Variants in PTPRF observed in about 807,000 individuals in gnomAD.
PTPRF encodes protein tyrosine phosphatase receptor type F.
A neutral mutation model predicts 201.8 loss-of-function variants in PTPRF; 59 were observed. That is an observed-to-expected ratio of 0.29 (90% confidence interval 0.24 to 0.36). The LOEUF (loss-of-function observed/expected upper bound fraction) is 0.36. PTPRF is among the 10% of genes least tolerant of loss of function. PTPRF has a pLI of 1.00. For synonymous variants in PTPRF, 1,088 were observed against 1,089.7 expected, an observed-to-expected ratio of 1.00 and a Z score of 0.03; for missense variants, 2,132 against 2,690.5, an observed-to-expected ratio of 0.79 and a Z score of 4.59.
Position 43,622,111 on chromosome 1 carries a change from C to G in PTPRF, c.*108C>G. On this transcript the variant is annotated 3_prime_UTR_variant, in exon 34 of 34. Transcript: ENST00000359947. ...CAGCCCTCCTACGCAGATGCTGTCA[C>G]TGGCAGAGCACAGCCCACGGGGATC... 8.3e-7 allele frequency: 1 copy of G among 1,207,978 alleles called. No individual in the cohort carries two copies. Among genetic ancestry groups the G allele is most frequent in the South Asian group, 1.2e-5 (1 of 80,196 alleles). The allele number at this position is 1,207,978 out of a possible 1,614,324, so 74.8% of individuals were successfully genotyped here.
intron 6 of PTPRF, among the ~76,000 whole-genome samples, chr1:43,572,721 C>G (rs1646658867): frequency 6.6e-6 from 1 of 152,218 alleles, no homozygotes; most frequent in Non-Finnish European, 1.5e-5. Context: ...GCTTTCCCCG[C>G]TTTTGTTGCA....
chr1:43,597,037 G>A lies in PTPRF; in HGVS notation c.1814-711G>A, dbSNP rs114813112. ...TGTGAGACACCAAGACAGTATATGT[G>A]CGAGACAGCCTATGTATGTGACAGT... On this transcript the variant is annotated intron_variant, in intron 11 of 33. Transcript: ENST00000359947. Among the ~76,000 whole-genome samples the A allele has an allele frequency of 2.5e-3, 374 of 151,730 alleles. 2 individuals are homozygous for A. Among genetic ancestry groups the A allele is most frequent in the African/African-American group, 8.6e-3 (357 of 41,354 alleles).
At chr1:43,568,031 C>T (rs1298759788) in intron 5 of PTPRF, among the ~76,000 whole-genome samples, 2 of 152,068 alleles carry the variant, frequency 1.3e-5, no homozygotes, top group African/African-American at 4.8e-5. Flanking sequence ...CCTGGTGGCT[C>T]ACAGCTGTAA....
chr1:43,569,221 C>A (rs1335869978), intron 5 of PTPRF, among the ~76,000 whole-genome samples: 3 of 53,516 alleles, frequency 5.6e-5, no homozygotes, highest in South Asian at 7.1e-4. Context: ...CCCTGCTAGC[C>A]CCCCCCCCCA....
At chr1:43,598,368 T>C (rs1652902912) in intron 12 of PTPRF, 3 of 455,872 alleles carry the variant, frequency 6.6e-6, no homozygotes, top group East Asian at 3.5e-5. Flanking sequence ...AGACTCCACG[T>C]TGGCTGGACA....
intron 3 of PTPRF, among the ~76,000 whole-genome samples, chr1:43,552,576 G>C (rs1330867806): frequency 6.6e-6 from 1 of 152,198 alleles, no homozygotes; most frequent in Non-Finnish European, 1.5e-5. Flanking sequence ...ATTTCTCACA[G>C]CACTAGCCCT....
rs539216429 is a variant in PTPRF, at chr1:43,593,092, C to T, written c.1813+491C>T. ...ATGTGATCACCCTGAGCTGACTGCA[C>T]TCGGGGACAGGTCTGAGAATGCGGC... is the stretch of plus-strand genomic sequence containing the variant. On this transcript the variant is annotated intron_variant, in intron 11 of 33. Transcript: ENST00000359947. 3.3e-5 allele frequency among the ~76,000 whole-genome samples: 5 copies of T among 152,372 alleles called. 1 individual carries two copies. Among genetic ancestry groups the T allele is most frequent in the South Asian group, 4.1e-4 (2 of 4,830 alleles).
rs574274989 is a variant in PTPRF, at chr1:43,607,755, C to T, written c.3857+787C>T. ...AGGCCCACACAGGGTGTGCCCTCTG[C>T]GGATCTCCCTCCCCCTGCCCACTTG... On this transcript the variant is annotated intron_variant, in intron 21 of 33. Coordinates refer to ENST00000359947, the MANE Select transcript of PTPRF (RefSeq NM_002840.5). Among the ~76,000 whole-genome samples the T allele has an allele frequency of 2.0e-5, 3 of 152,360 alleles. No individual in the cohort carries two copies. The South Asian group carries it at 6.2e-4, about 32-fold the overall frequency.
At chr1:43,547,113 G>T (rs970218038) in intron 3 of PTPRF, among the ~76,000 whole-genome samples, 4 of 151,994 alleles carry the variant, frequency 2.6e-5, no homozygotes, top group Middle Eastern at 3.2e-3. Flanking sequence ...CAGGCCCCCA[G>T]GGTCGTAACC....
At position 43,622,048 on chromosome 1, in the gene PTPRF, A is replaced by C. The variant is rs752479708; in HGVS notation, c.*45A>C. Reference sequence around the variant, plus strand: ...CGCCACCCCCGCCGTGGGGCTCCGGAGGGGACCCAGCTCCTCTGAGCCATA... The same window carrying C: ...CGCCACCCCCGCCGTGGGGCTCCGGCGGGGACCCAGCTCCTCTGAGCCATA... On this transcript the variant is annotated 3_prime_UTR_variant, in exon 34 of 34. Coordinates refer to ENST00000359947, the MANE Select transcript of PTPRF (RefSeq NM_002840.5). 9 of 1,584,420 alleles carry C rather than the reference A, an allele frequency of 5.7e-6. No individual in the cohort carries two copies. Among genetic ancestry groups the C allele is most frequent in the Non-Finnish European group, 7.8e-6 (9 of 1,153,846 alleles).
At chr1:43,523,819 G>A (rs150461498), upstream of PTPRF, among the ~76,000 whole-genome samples, 4,732 of 152,024 alleles carry the variant, frequency 0.031, 258 homozygotes, top group African/African-American at 0.11. Flanking sequence ...AGGCCAAGGC[G>A]GACAGATCAC....
chr1:43,573,950 C>T (rs908237987), intron 6 of PTPRF, among the ~76,000 whole-genome samples: 6 of 139,936 alleles, frequency 4.3e-5, no homozygotes, highest in Admixed American at 7.1e-5. Flanking sequence ...ATCAGAGAAC[C>T]TCAAAGAGGG....
chr1:43,568,304 AAAAAAG>A (rs1646328508), intron 5 of PTPRF, among the ~76,000 whole-genome samples: 1 of 151,928 alleles, frequency 6.6e-6, no homozygotes, highest in Non-Finnish European at 1.5e-5. Context: ...CAAAAAAAAA[AAAAAAG>A]AAAAAGAAAA....
At position 43,563,177 on chromosome 1, in the gene PTPRF, C is replaced by CA. The variant is rs61595608; in HGVS notation, c.380-6396dup. On this transcript the variant is annotated intron_variant, in intron 5 of 33. Coordinates refer to ENST00000359947, the MANE Select transcript of PTPRF (RefSeq NM_002840.5). ...TAGGCGACCAAGCGAGACTCCATCT[C>CA]AAAAAAAAAAAAAAAAATAAGATTA... 2.3e-3 allele frequency among the ~76,000 whole-genome samples: 312 copies of CA among 134,120 alleles called. 1 individual carries two copies. Among genetic ancestry groups the CA allele is most frequent in the African/African-American group, 6.9e-3 (241 of 34,678 alleles). 88.0% of individuals were successfully genotyped at this position (134,120 alleles called of 152,430 possible).
chr1:43,615,777 A>G (rs1231202489), intron 23 of PTPRF, among the ~76,000 whole-genome samples: 5 of 151,910 alleles, frequency 3.3e-5, no homozygotes, highest in Admixed American at 2.0e-4. Context: ...CGTGTTAGCC[A>G]GGATGGTCTC....
intron 12 of PTPRF, chr1:43,598,338 T>TA (rs1276561599): frequency 8.6e-6 from 4 of 463,984 alleles, no homozygotes; most frequent in Admixed American, 7.7e-5. Flanking sequence ...GTGTAAAAGA[T>TA]ACTCAAAGTA....
intron 5 of PTPRF, among the ~76,000 whole-genome samples, chr1:43,565,203 C>A (rs1646075063): frequency 1.3e-5 from 2 of 152,168 alleles, no homozygotes; most frequent in Admixed American, 1.3e-4. Context: ...TCAAACCGAT[C>A]AGCTCCAACA....
At chr1:43,604,284 A>ACCAG in intron 16 of PTPRF, 95 bp downstream of exon 16, 1 of 1,307,556 alleles carries the variant, frequency 7.6e-7, no homozygotes, top group Non-Finnish European at 1.0e-6. Context: ...ACTGTGATCC[A>ACCAG]CCAGCCTCTG....
At chr1:43,618,547 A>G (rs1658419714) in intron 25 of PTPRF, 83 bp from the exon 26 acceptor site, 2 of 1,509,880 alleles carry the variant, frequency 1.3e-6, no homozygotes, top group African/African-American at 1.4e-5. Context: ...GGCTACAGCC[A>G]GGGAGTTGAC....
Sources: gnomAD v4.1 joint callset for allele counts (sites outside exome capture counted in the v4.1 genomes callset) on GRCh38, gnomAD v4.1.1 for gene constraint, MANE v1.5 for transcripts, NCBI Gene and HGNC (gene_info 2026-07-23, HGNC 2026-07-21) for gene names.